ANKS1B: variants seen among roughly 807,000 people sequenced by gnomAD.
ANKS1B encodes ankyrin repeat and sterile alpha motif domain-containing protein 1B.
Under a neutral mutation model 148.3 loss-of-function variants are expected in ANKS1B, and 36 were observed. That is an observed-to-expected ratio of 0.24 (90% CI 0.19 to 0.32). ANKS1B has a LOEUF of 0.32. Ranked by LOEUF, ANKS1B falls within the 10% of genes least tolerant of loss-of-function variation. The pLI is 1.00. For synonymous variants in ANKS1B, 542 were observed against 560.8 expected (o/e 0.97, Z 0.47); for missense variants, 1,157 against 1,542.6 (o/e 0.75, Z 4.19).
chr12:98,959,290 C>T (rs2099867390), intron 17 of ANKS1B, among the ~76,000 whole-genome samples: 1 of 152,200 alleles, frequency 6.6e-6, no homozygotes, highest in South Asian at 2.1e-4. Context: ...TTCCCTTTCT[C>T]TGTCCCATCT....
At chr12:99,757,699 C>G (rs1020016644) in intron 8 of ANKS1B, among the ~76,000 whole-genome samples, 2 of 152,026 alleles carry the variant, frequency 1.3e-5, no homozygotes, top group African/African-American at 4.8e-5. Flanking sequence ...AAATGCCTAT[C>G]AGTGATGGAC....
At chr12:98,754,227 C>A (rs2098173581) in intron 25 of ANKS1B, among the ~76,000 whole-genome samples, 1 of 152,210 alleles carries the variant, frequency 6.6e-6, no homozygotes, top group Non-Finnish European at 1.5e-5. Context: ...CCATGTTTGC[C>A]TCCAGAGATG....
At position 99,966,424 on chromosome 12, in the gene ANKS1B, C is replaced by T. The variant is rs142549315; in HGVS notation, c.134+17680G>A. 5.7e-4 allele frequency among the ~76,000 whole-genome samples: 87 copies of T among 152,160 alleles called. 2 individuals are homozygous for T. In the East Asian group the frequency reaches 0.017, roughly 29 times the overall value. Reference sequence around the variant, plus strand: ...TAATTTTAAAAATAAAAATATTTGACAGTATGTAGTTCTACCTCCAAACAT... The same window carrying T: ...TAATTTTAAAAATAAAAATATTTGATAGTATGTAGTTCTACCTCCAAACAT... On this transcript the variant is annotated intron_variant, in intron 1 of 26. Coordinates refer to ENST00000683438, the MANE Select transcript of ANKS1B (RefSeq NM_001352186.2).
At chr12:98,871,530 T>C (rs1304907633) in intron 17 of ANKS1B, among the ~76,000 whole-genome samples, 1 of 152,280 alleles carries the variant, frequency 6.6e-6, no homozygotes, top group South Asian at 2.1e-4. Context: ...AGAACCAACA[T>C]CTTCTGATGA....
intron 1 of ANKS1B, among the ~76,000 whole-genome samples, chr12:99,839,899 G>C (rs936356794): frequency 1.3e-5 from 2 of 151,600 alleles, no homozygotes; most frequent in African/African-American, 4.8e-5. Flanking sequence ...TATTTTTCAT[G>C]TCTTTTAATT....
At chr12:99,672,885 C>A (rs1310982868) in intron 8 of ANKS1B, among the ~76,000 whole-genome samples, 1 of 152,040 alleles carries the variant, frequency 6.6e-6, no homozygotes, top group African/African-American at 2.4e-5. Context: ...AAAGAAAAGG[C>A]TAATGTTGAG....
intron 14 of ANKS1B, among the ~76,000 whole-genome samples, chr12:99,176,787 G>T (rs2153837573): frequency 6.6e-6 from 1 of 152,152 alleles, no homozygotes; most frequent in African/African-American, 2.4e-5. Context: ...CGTGTGAGAT[G>T]CCTGCTCCCC....
chr12:99,648,780 G>A (rs1259746467), intron 9 of ANKS1B: 8 of 1,609,950 alleles, frequency 5.0e-6, no homozygotes, highest in East Asian at 2.2e-5. Flanking sequence ...AAGTGCAGAG[G>A]AGCCCAGTGG....
At chr12:99,007,188 A>G (rs1343718811) in intron 17 of ANKS1B, among the ~76,000 whole-genome samples, 1 of 152,174 alleles carries the variant, frequency 6.6e-6, no homozygotes, top group Non-Finnish European at 1.5e-5. Context: ...CTGCCTACCC[A>G]CCAGCTATTT....
intron 8 of ANKS1B, among the ~76,000 whole-genome samples, chr12:99,675,538 T>A (rs572562379): frequency 6.6e-6 from 1 of 151,886 alleles, no homozygotes; most frequent in South Asian, 2.1e-4. Context: ...AGTGAAATAA[T>A]GGCCTATTTA....
intron 14 of ANKS1B, among the ~76,000 whole-genome samples, chr12:99,226,180 T>C (rs1355082156): frequency 6.6e-6 from 1 of 152,216 alleles, no homozygotes; most frequent in Non-Finnish European, 1.5e-5. Flanking sequence ...CAGGTGCAAA[T>C]GATCTATTTA....
chr12:99,268,870 C>T (rs1408740391), intron 12 of ANKS1B, among the ~76,000 whole-genome samples: 1 of 152,164 alleles, frequency 6.6e-6, no homozygotes, highest in African/African-American at 2.4e-5. Flanking sequence ...CTTCTGTTAT[C>T]TTTTTATTAG....
intron 17 of ANKS1B, among the ~76,000 whole-genome samples, chr12:98,925,788 C>A (rs1420142005): frequency 2.0e-5 from 3 of 152,146 alleles, no homozygotes; most frequent in African/African-American, 7.2e-5. Flanking sequence ...CACTATTTAA[C>A]CTGTCTGAAA....
chr12:99,178,419 T>A (rs2078671127), intron 14 of ANKS1B, among the ~76,000 whole-genome samples: 3 of 152,202 alleles, frequency 2.0e-5, no homozygotes, highest in African/African-American at 7.2e-5. Context: ...TGTTGGCATA[T>A]CCAATTAACA....
chr12:99,311,709 G>C (rs914320011), intron 12 of ANKS1B, among the ~76,000 whole-genome samples: 1 of 152,020 alleles, frequency 6.6e-6, no homozygotes, highest in African/African-American at 2.4e-5. Context: ...AGAAACTTTT[G>C]ATTATGTTTT....
intron 14 of ANKS1B, among the ~76,000 whole-genome samples, chr12:99,188,678 T>C (rs1326497629): frequency 6.6e-6 from 1 of 152,206 alleles, no homozygotes; most frequent in African/African-American, 2.4e-5. Flanking sequence ...CCAGAATCTC[T>C]GGGACATAGC....
intron 1 of ANKS1B, among the ~76,000 whole-genome samples, chr12:99,966,331 G>A (rs2095484081): frequency 6.6e-6 from 1 of 151,340 alleles, no homozygotes. Context: ...ATGGTTCGGG[G>A]AAAAAAAAGG....
intron 17 of ANKS1B, among the ~76,000 whole-genome samples, chr12:98,908,981 G>A (rs1424977646): frequency 6.6e-6 from 1 of 152,170 alleles, no homozygotes; most frequent in African/African-American, 2.4e-5. Flanking sequence ...ATAAATGCGG[G>A]AGAGGGGCTC....
chr12:99,905,459 C>T (rs916986711), intron 1 of ANKS1B, among the ~76,000 whole-genome samples: 2 of 152,178 alleles, frequency 1.3e-5, no homozygotes, highest in Admixed American at 1.3e-4. Context: ...CTTGGTTCCT[C>T]ACCTCCTTCT....
Sources: allele counts gnomAD v4.1 joint callset (sites outside exome capture counted in the v4.1 genomes callset), GRCh38; gene constraint gnomAD v4.1.1; transcripts MANE v1.5; gene names NCBI Gene and HGNC (gene_info 2026-07-23, HGNC 2026-07-21).